The following C2CD2L variants were observed in gnomAD, a reference collection of about 807,000 sequenced individuals.
The protein encoded by C2CD2L is phospholipid transfer protein C2CD2L.
In C2CD2L, 24 loss-of-function variants were observed where a neutral mutation model predicts 69.9. The observed-to-expected ratio is 0.34, with a 90% CI of 0.25 to 0.48. C2CD2L has a LOEUF of 0.48. C2CD2L is among the 20% of genes least tolerant of loss of function. C2CD2L has a pLI of 0.99. For missense variants in C2CD2L, 811 were observed against 941.5 expected, an observed-to-expected ratio of 0.86 and a Z score of 1.81; for synonymous variants, 367 against 391.0, an observed-to-expected ratio of 0.94 and a Z score of 0.72.
At chr11:119,108,335 T>G in intron 1 of C2CD2L, 1 of 467,388 alleles carries the variant, frequency 2.1e-6, no homozygotes. Flanking sequence ...CATGCACAAG[T>G]TGCTGTTCTC....
chr11:119,115,963 C>T (rs1342956993), intron 13 of C2CD2L, 82 bp from the exon 14 acceptor site: 1 of 1,144,450 alleles, frequency 8.7e-7, no homozygotes, highest in South Asian at 1.3e-5. Flanking sequence ...TCCTCTTTCC[C>T]TCCATTCTCC....
rs73562661 is a variant in C2CD2L at position 119,115,666 on chromosome 11, G to T, written c.1910-379G>T. 973 of 354,552 alleles carry T rather than the reference G, an allele frequency of 2.7e-3. 8 individuals carry two copies. The highest frequency in any genetic ancestry group is 0.019 in the African/African-American group (900 of 48,254). The allele number at this position is 354,552 out of a possible 1,614,324, so 22.0% of individuals were successfully genotyped here. A position where few individuals can be genotyped will look rare whatever the true frequency, so the allele number is the denominator to read the frequency against. On this transcript the variant is annotated intron_variant, in intron 13 of 13. Transcript: ENST00000648610. ...TTCCCTTCATGATTTATAGACTTTT[G>T]GGAGTACCTTCTGGTAGCTTTTGTC...
At chr11:119,103,049 G>T (rs1181380522), upstream of C2CD2L, among the ~76,000 whole-genome samples, 1 of 151,618 alleles carries the variant, frequency 6.6e-6, no homozygotes, top group African/African-American at 2.4e-5. Flanking sequence ...GCGCCACCAC[G>T]CCCGGCTAAT....
intron 7 of C2CD2L, 126 bp from the exon 8 acceptor site, chr11:119,112,202 C>A: frequency 2.5e-6 from 2 of 799,800 alleles, no homozygotes; most frequent in South Asian, 1.8e-5. Context: ...CCAGGAGAAT[C>A]TGATTGGAGC....
In C2CD2L at chr11:119,113,880, G is replaced by A. The variant is rs767067257; in HGVS notation, c.1515G>A (p.Leu505=). The part of the protein sequence containing the change: ...SSRDSHLSNG[L]DPVAETAIRQ... ...GGGACAGCCACCTTTCCAACGGCTTGGACCCTGTAGCAGAGACAGCGATTC... is the reference window on the plus strand; with the variant it reads ...GGGACAGCCACCTTTCCAACGGCTTAGACCCTGTAGCAGAGACAGCGATTC... Residue 505 remains leucine, a synonymous_variant, in exon 12 of 14, where the codon TTG becomes TTA. Transcript: ENST00000648610. The A allele has an allele frequency of 1.9e-6, 3 of 1,614,158 alleles. No individual in the cohort carries two copies. The East Asian group carries it at 6.7e-5, about 36-fold the overall frequency.
At chr11:119,108,135 T>C in intron 1 of C2CD2L, 40 bp downstream of exon 1, 3 of 1,409,878 alleles carry the variant, frequency 2.1e-6, no homozygotes, top group Non-Finnish European at 2.9e-6. Context: ...CTTCAGCCTT[T>C]CCTTCCAGGG....
At chr11:119,105,405 G>A (rs1419745456), upstream of C2CD2L, among the ~76,000 whole-genome samples, 2 of 152,150 alleles carry the variant, frequency 1.3e-5, no homozygotes, top group African/African-American at 4.8e-5. Context: ...TTGGGAGGCC[G>A]AGGCGGGAGG....
Position 119,114,197 on chromosome 11 carries a change from C to G in C2CD2L, c.1741C>G (p.Pro581Ala). 6.2e-7 allele frequency: 1 copy of G among 1,614,184 alleles called. No individual in the cohort carries two copies. ...GGPSSPPSDP[P>A]AMSPGPLDAL... ...CCCCTCTTCACCTCCCTCAGACCCA[C>G]CAGCCATGTCTCCAGGACCGCTAGA... Residue 581 changes from proline to alanine, a missense_variant, in exon 13 of 14, where the codon CCA becomes GCA. Coordinates refer to ENST00000648610, the MANE Select transcript of C2CD2L (RefSeq NM_001290474.2). This position sits in a 1 kb window ranked among gnomAD's most constrained non-coding sequence, Gnocchi z 5.1.
rs1311611144 is a variant in C2CD2L, at chr11:119,110,167, G to T, written c.418G>T (p.Val140Leu). The T allele has an allele frequency of 6.2e-7, 1 of 1,613,850 alleles. No homozygotes were observed. The highest frequency in any genetic ancestry group is 8.5e-7 in the Non-Finnish European group (1 of 1,179,824). ...CCCACCCAGAGCCAGCATCAGTCAT[G>T]TGACCTGCGTAGACCAATCTGAGCA... ...QLPPRASISH[V>L]TCVDQSEHTM... Residue 140 changes from valine to leucine, a missense_variant, in exon 2 of 14, where the codon GTG (valine) becomes TTG (leucine). Physicochemically the swap from Val to Leu is conservative, Grantham distance 32. Transcript: ENST00000648610. This position sits in a 1 kb window ranked among gnomAD's most constrained non-coding sequence, Gnocchi z 5.7.
rs1287993841 is a variant in C2CD2L, at chr11:119,116,419, G to A, written c.*163G>A. The A allele has an allele frequency of 3.2e-6, 2 of 630,382 alleles. No individual in the cohort carries two copies. Among genetic ancestry groups the A allele is most frequent in the Admixed American group, 2.9e-5 (1 of 35,066 alleles). The allele number at this position is 630,382 out of a possible 1,614,324, so 39.0% of individuals were successfully genotyped here. A position where few individuals can be genotyped will look rare whatever the true frequency, so the allele number is the denominator to read the frequency against. On this transcript the variant is annotated 3_prime_UTR_variant, in exon 14 of 14. Coordinates refer to ENST00000648610, the MANE Select transcript of C2CD2L (RefSeq NM_001290474.2). ...GCCGGTTGGAAGGATACTTGGAACG[G>A]GAAGCACATGAGAGGTGGGCACCCG...
In C2CD2L at chr11:119,118,196, A is replaced by C. The variant is rs779625357; in HGVS notation, c.*1940A>C. 1 of 152,190 alleles carries C rather than the reference A, an allele frequency of 6.6e-6. No individual in the cohort carries two copies. Among genetic ancestry groups the C allele is most frequent in the Non-Finnish European group, 1.5e-5 (1 of 68,036 alleles). The allele number at this position is 152,190 out of a possible 1,614,324, so 9.4% of individuals were successfully genotyped here. ...CTTTTTTTAGTGTGCGCATCGCCCA[A>C]ATAGTGAACATCATACCCAATAGGT... On this transcript the variant is annotated 3_prime_UTR_variant, in exon 14 of 14. Transcript: ENST00000648610.
At position 119,107,864 on chromosome 11, in the gene C2CD2L, G is replaced by T. The variant is rs1474113785; in HGVS notation, c.123G>T (p.Arg41=). 2.0e-6 allele frequency: 3 copies of T among 1,519,822 alleles called. No homozygotes were observed. The highest frequency in any genetic ancestry group is 2.6e-6 in the Non-Finnish European group (3 of 1,143,684). The allele number at this position is 1,519,822 out of a possible 1,614,324, so 94.1% of individuals were successfully genotyped here. ...ATGCCCGGGGCTTGTGGCTGGCGCG[G>T]GCCCGCGGGGACCGGGGCCCGGGAC... ...LQYARGLWLA[R]ARGDRGPGPA... is the part of the protein sequence containing the mutation. Residue 41 remains arginine, a synonymous_variant, in exon 1 of 14, where the codon CGG becomes CGT. Transcript: ENST00000648610. The surrounding 1 kb of genome is among the most constrained non-coding windows in gnomAD (Gnocchi z 5.4).
chr11:119,112,922 C>T (rs545424142), intron 10 of C2CD2L, 48 bp downstream of exon 10: 1 of 1,526,166 alleles, frequency 6.6e-7, no homozygotes, highest in Admixed American at 1.8e-5. Flanking sequence ...GGGCCCGGGA[C>T]TGCAGACCCA....
chr11:119,107,823 G>A lies in C2CD2L; in HGVS notation c.82G>A (p.Ala28Thr), dbSNP rs937225914. The change falls in exon 1 of 14, where the codon GCC becomes ACC. Residue 28 changes from alanine (A) to threonine (T), a missense_variant. By Grantham distance (58) the Ala-to-Thr change is moderately conservative (BLOSUM62 0). Transcript: ENST00000648610. The surrounding 1 kb of genome is among the most constrained non-coding windows in gnomAD (Gnocchi z 5.4). Reference protein sequence around the residue: ...LFAASLLTVFAWLLQYARGLW... With the variant: ...LFAASLLTVFTWLLQYARGLW... ...CGCCGCCTCGCTGCTCACGGTGTTC[G>A]CCTGGCTGCTGCAATATGCCCGGGG... 3 of 1,553,250 alleles carry A rather than the reference G, an allele frequency of 1.9e-6. No homozygotes were observed. Among genetic ancestry groups the A allele is most frequent in the South Asian group, 1.2e-5 (1 of 84,998 alleles).
chr11:119,111,311 C>G lies in C2CD2L; in HGVS notation c.847C>G (p.Pro283Ala), dbSNP rs1208486809. 1.2e-6 allele frequency: 2 copies of G among 1,614,216 alleles called. No individual in the cohort carries two copies. Among genetic ancestry groups the G allele is most frequent in the Non-Finnish European group, 1.7e-6 (2 of 1,180,036 alleles). The change falls in exon 6 of 14, where the codon CCC becomes GCC. Residue 283 changes from proline to alanine, a missense_variant. By Grantham distance (27) the Pro-to-Ala change is conservative (BLOSUM62 -1). Transcript: ENST00000648610. ...GATGCCCCAGGCTCAGCCAGCCATC[C>G]CCAGACCTAACCGGTTATTCCTACG... ...PMMPQAQPAI[P>A]RPNRLFLRQL...
At chr11:119,103,736 C>A (rs1285398811), upstream of C2CD2L, among the ~76,000 whole-genome samples, 1 of 152,120 alleles carries the variant, frequency 6.6e-6, no homozygotes, top group African/African-American at 2.4e-5. Context: ...TGTGAAATGG[C>A]TTTTCTACTT....
chr11:119,112,110 G>A, intron 7 of C2CD2L: 1 of 560,874 alleles, frequency 1.8e-6, no homozygotes, highest in Non-Finnish European at 3.2e-6. Flanking sequence ...CAGGACCAGG[G>A]AGGATTTGAA....
Position 119,116,278 on chromosome 11 carries a change from C to T in C2CD2L, c.*22C>T, listed in dbSNP as rs376037552. 9.1e-5 allele frequency: 142 copies of T among 1,563,668 alleles called. No homozygotes were observed. The highest frequency in any genetic ancestry group is 1.2e-4 in the Non-Finnish European group (133 of 1,134,478). On this transcript the variant is annotated 3_prime_UTR_variant, in exon 14 of 14. Coordinates refer to ENST00000648610, the MANE Select transcript of C2CD2L (RefSeq NM_001290474.2). ...CTGAGGACCCAGCTCTGAAAGGGCA[C>T]GAGTTCTCTCAGCCCATTCCCCACC...
At chr11:119,115,849 G>T in intron 13 of C2CD2L, 196 bp from the exon 14 acceptor site, 1 of 597,920 alleles carries the variant, frequency 1.7e-6, no homozygotes, top group Non-Finnish European at 3.0e-6. Context: ...TTCTGCTTTC[G>T]TTTTCTTTTT....
Sources: gnomAD v4.1 joint callset for allele counts (sites outside exome capture counted in the v4.1 genomes callset) on GRCh38, gnomAD v4.1.1 for gene constraint, Gnocchi (gnomAD v3.1) non-coding constraint, MANE v1.5 for transcripts, NCBI Gene and HGNC (gene_info 2026-07-23, HGNC 2026-07-21) for gene names.